The following AQP7B variants were observed in gnomAD, a reference collection of about 807,000 sequenced individuals.
AQP7B encodes the protein putative aquaporin-7B.
chr2:94,599,603 C>T, the AQP7B span, among the ~76,000 whole-genome samples: 1 of 152,140 alleles, frequency 6.6e-6, no homozygotes, highest in African/African-American at 2.4e-5. Context: ...GGGGTCCTCT[C>T]CTTCCTGGAG....
the AQP7B span, chr2:94,588,458 G>C: frequency 7.5e-4 from 460 of 610,744 alleles, 6 homozygotes; most frequent in African/African-American, 7.7e-3. Flanking sequence ...GCCAAGTTCT[G>C]TGTCCTCCAG....
At chr2:94,598,287 C>A in the AQP7B span, among the ~76,000 whole-genome samples, 1 of 152,090 alleles carries the variant, frequency 6.6e-6, no homozygotes, top group Admixed American at 6.5e-5. Context: ...GCTAGTGTGA[C>A]CTTGGCCCCA....
At chr2:94,598,953 C>CCA in the AQP7B span, among the ~76,000 whole-genome samples, 1 of 152,146 alleles carries the variant, frequency 6.6e-6, no homozygotes, top group African/African-American at 2.4e-5. Context: ...CAGGCATGTG[C>CCA]CACCACACCT....
the AQP7B span, among the ~76,000 whole-genome samples, chr2:94,597,467 T>C: frequency 6.6e-6 from 1 of 152,128 alleles, no homozygotes; most frequent in Non-Finnish European, 1.5e-5. Flanking sequence ...CCCAAATCCA[T>C]GCAATAGCCC....
chr2:94,597,403 G>T, the AQP7B span, among the ~76,000 whole-genome samples: 1 of 152,096 alleles, frequency 6.6e-6, no homozygotes, highest in Non-Finnish European at 1.5e-5. Flanking sequence ...TTTTCATTGA[G>T]CACCTAATGC....
At chr2:94,599,785 C>A in the AQP7B span, among the ~76,000 whole-genome samples, 1 of 152,226 alleles carries the variant, frequency 6.6e-6, no homozygotes, top group Non-Finnish European at 1.5e-5. Context: ...ACCCTGTCAG[C>A]CCCTTCACGG....
At chr2:94,594,511 G>A in the AQP7B span, among the ~76,000 whole-genome samples, 1 of 152,190 alleles carries the variant, frequency 6.6e-6, no homozygotes, top group African/African-American at 2.4e-5. Flanking sequence ...ATTTTTACTG[G>A]TCTAGTCCCA....
chr2:94,598,870 G>C, the AQP7B span, among the ~76,000 whole-genome samples: 1 of 152,146 alleles, frequency 6.6e-6, no homozygotes, highest in South Asian at 2.1e-4. Flanking sequence ...GCAGTGGTGT[G>C]ATCTCAGCTC....
At chr2:94,603,630 G>A in the AQP7B span, 1 of 1,311,232 alleles carries the variant, frequency 7.6e-7, no homozygotes, top group African/African-American at 1.5e-5. Context: ...CTCTCTGCTG[G>A]TGGGCTTGGG....
the AQP7B span, among the ~76,000 whole-genome samples, chr2:94,595,773 G>A: frequency 6.6e-6 from 1 of 152,146 alleles, no homozygotes; most frequent in Non-Finnish European, 1.5e-5. Context: ...TGGGCAAAGC[G>A]CCGATGAGCT....
the AQP7B span, among the ~76,000 whole-genome samples, chr2:94,599,341 G>T: frequency 2.0e-5 from 3 of 152,010 alleles, no homozygotes; most frequent in Admixed American, 6.5e-5. Context: ...CTGTCCTGGG[G>T]CTTCTGAGGG....
At chr2:94,589,174 T>G in the AQP7B span, among the ~76,000 whole-genome samples, 2 of 151,602 alleles carry the variant, frequency 1.3e-5, no homozygotes, top group Admixed American at 6.6e-5. Flanking sequence ...GTTGTTTTTT[T>G]TTTTTTGTAT....
chr2:94,603,090 C>A, the AQP7B span: 4 of 1,588,646 alleles, frequency 2.5e-6, no homozygotes, highest in Non-Finnish European at 3.4e-6. Context: ...GGGCCGCGTG[C>A]CCTGGAGGAA....
the AQP7B span, among the ~76,000 whole-genome samples, chr2:94,602,139 G>C: frequency 6.6e-6 from 1 of 151,772 alleles, no homozygotes; most frequent in Non-Finnish European, 1.5e-5. Context: ...TGAAGTGTGA[G>C]GGACTCTGAG....
At chr2:94,594,179 T>C in the AQP7B span, among the ~76,000 whole-genome samples, 2 of 152,210 alleles carry the variant, frequency 1.3e-5, no homozygotes, top group African/African-American at 4.8e-5. Flanking sequence ...CACAGCCTCA[T>C]GCATTTTGCT....
the AQP7B span, among the ~76,000 whole-genome samples, chr2:94,592,041 G>C: frequency 1.3e-5 from 2 of 152,136 alleles, no homozygotes; most frequent in Admixed American, 6.5e-5. Flanking sequence ...TCATTGGCTG[G>C]TTGGTGGTTA....
the AQP7B span, among the ~76,000 whole-genome samples, chr2:94,589,542 G>A: frequency 6.6e-6 from 1 of 152,034 alleles, no homozygotes; most frequent in Non-Finnish European, 1.5e-5. Flanking sequence ...TTCCATAGGA[G>A]CTGGTACCTT....
the AQP7B span, among the ~76,000 whole-genome samples, chr2:94,593,049 A>G: frequency 2.6e-5 from 4 of 151,442 alleles, no homozygotes; most frequent in African/African-American, 9.7e-5. Flanking sequence ...GCTGGTCTTG[A>G]ACTCCTGGGC....
the AQP7B span, among the ~76,000 whole-genome samples, chr2:94,595,220 A>T: frequency 6.6e-6 from 1 of 152,130 alleles, no homozygotes; most frequent in African/African-American, 2.4e-5. Context: ...GGATCACCTG[A>T]AGTCAGGAGT....
Sources: gnomAD v4.1 joint callset for allele counts (sites outside exome capture counted in the v4.1 genomes callset) on GRCh38, gnomAD v4.1.1 for gene constraint, MANE v1.5 for transcripts, NCBI Gene and HGNC (gene_info 2026-07-23, HGNC 2026-07-21) for gene names.